Variants in COL23A1 observed in about 807,000 individuals in gnomAD.
COL23A1 encodes the protein collagen type XXIII alpha 1 chain.
COL23A1 carries 97 observed loss-of-function variants against 99.3 expected under a neutral mutation model. The observed-to-expected ratio is 0.98, with a 90% CI of 0.83 to 1.16. The LOEUF is 1.16. Ranked by LOEUF, COL23A1 falls within the 50% of genes most tolerant of loss-of-function variation. The pLI is 0.00. For synonymous variants in COL23A1, 320 were observed against 308.2 expected (o/e 1.04, Z -0.40); for missense variants, 762 against 757.4 (o/e 1.01, Z -0.07).
chr5:178,539,313 G>A (rs753776269), intron 2 of COL23A1, among the ~76,000 whole-genome samples: 4 of 152,088 alleles, frequency 2.6e-5, no homozygotes, highest in Non-Finnish European at 4.4e-5. Flanking sequence ...TTGGGAAGCC[G>A]AGGTGGATGG....
At chr5:178,369,746 C>CT (rs1323071235) in intron 2 of COL23A1, among the ~76,000 whole-genome samples, 1 of 82,432 alleles carries the variant, frequency 1.2e-5, no homozygotes, top group African/African-American at 8.9e-5. Flanking sequence ...GATTGTAAGG[C>CT]CCCCCCAGCC....
chr5:178,328,094 T>C (rs748026782), intron 2 of COL23A1, among the ~76,000 whole-genome samples: 1 of 152,084 alleles, frequency 6.6e-6, no homozygotes, highest in Non-Finnish European at 1.5e-5. Flanking sequence ...CCCTGGGAGC[T>C]GGCAGACCCA....
chr5:178,417,657 C>T (rs17081200), intron 2 of COL23A1, among the ~76,000 whole-genome samples: 6,962 of 152,224 alleles, frequency 0.046, 382 homozygotes, highest in East Asian at 0.23. Context: ...TCAAGAACAG[C>T]CCCGTCTGAT....
In COL23A1 at chr5:178,383,034, C is replaced by A. The variant is rs955783157; in HGVS notation, c.362-76115G>T. Among the ~76,000 whole-genome samples the A allele has an allele frequency of 2.0e-5, 3 of 152,044 alleles. No individual in the cohort carries two copies. The East Asian group carries it at 5.8e-4, about 29-fold the overall frequency. On this transcript the variant is annotated intron_variant, in intron 2 of 28. Coordinates refer to ENST00000390654, the MANE Select transcript of COL23A1 (RefSeq NM_173465.4). ...TGGGCTCCTGAAAAGCTGACAGGAG[C>A]CAGGGGGTGTCTGTGATCAGGGCTG... is the stretch of plus-strand genomic sequence containing the variant.
intron 1 of COL23A1, among the ~76,000 whole-genome samples, chr5:178,565,861 C>T (rs1316158350): frequency 2.6e-5 from 4 of 151,674 alleles, no homozygotes; most frequent in South Asian, 4.2e-4. Context: ...ACCTGTAATC[C>T]CAGCACTTTG....
chr5:178,561,989 CAG>C, intron 1 of COL23A1: 1 of 444,408 alleles, frequency 2.3e-6, no homozygotes, highest in Non-Finnish European at 4.5e-6. Context: ...ACAAGAGGCG[CAG>C]AGAGCGAAGC....
At chr5:178,288,792 A>G (rs1044251677) in intron 4 of COL23A1, among the ~76,000 whole-genome samples, 1 of 145,994 alleles carries the variant, frequency 6.8e-6, no homozygotes, top group African/African-American at 2.4e-5. Context: ...GAAGCCAGGA[A>G]TATCGGGGGG....
intron 2 of COL23A1, among the ~76,000 whole-genome samples, chr5:178,537,760 C>T (rs1050729889): frequency 7.9e-5 from 12 of 152,220 alleles, no homozygotes; most frequent in Non-Finnish European, 1.3e-4. Flanking sequence ...GTGAAACGTG[C>T]GCGGCACGAC....
intron 2 of COL23A1, among the ~76,000 whole-genome samples, chr5:178,385,070 G>C (rs1581276550): frequency 6.6e-6 from 1 of 152,284 alleles, no homozygotes; most frequent in East Asian, 1.9e-4. Flanking sequence ...CTGGTGGCTG[G>C]ACTCATGTTG....
chr5:178,346,060 A>G (rs1760952250), intron 2 of COL23A1, among the ~76,000 whole-genome samples: 1 of 152,192 alleles, frequency 6.6e-6, no homozygotes, highest in Admixed American at 6.5e-5. Flanking sequence ...TTAGATATCT[A>G]TAAAATAAAC....
chr5:178,240,595 C>G (rs374294685), intron 27 of COL23A1, among the ~76,000 whole-genome samples: 1 of 152,240 alleles, frequency 6.6e-6, no homozygotes, highest in African/African-American at 2.4e-5. Flanking sequence ...GGCCAGGCCC[C>G]GGAGCTGCGG....
intron 2 of COL23A1, chr5:178,523,781 C>T (rs1254576313): frequency 1.3e-5 from 2 of 152,326 alleles, no homozygotes; most frequent in African/African-American, 4.8e-5. Context: ...ATGCAGGCAA[C>T]GCACATTCCA....
At position 178,449,045 on chromosome 5, in the gene COL23A1, G is replaced by A. The variant is rs183999167; in HGVS notation, c.361+111637C>T. Among the ~76,000 whole-genome samples the A allele has an allele frequency of 8.5e-5, 13 of 152,048 alleles. 1 individual carries two copies. The highest frequency in any genetic ancestry group is 7.9e-4 in the Admixed American group (12 of 15,276). On this transcript the variant is annotated intron_variant, in intron 2 of 28. Coordinates refer to ENST00000390654, the MANE Select transcript of COL23A1 (RefSeq NM_173465.4). Reference sequence around the variant, plus strand: ...GGGGTCTCCCTCTGTCACCCAGGCTGGAGTGCAGTGTTACGATCAGAGTTC... The same window carrying A: ...GGGGTCTCCCTCTGTCACCCAGGCTAGAGTGCAGTGTTACGATCAGAGTTC...
In COL23A1 at chr5:178,589,841, G is replaced by A; in HGVS notation, c.294+63C>T. 1 of 1,237,518 alleles carries A rather than the reference G, an allele frequency of 8.1e-7. No individual in the cohort carries two copies. Among genetic ancestry groups the A allele is most frequent in the Non-Finnish European group, 1.0e-6 (1 of 987,168 alleles). 76.7% of individuals were successfully genotyped at this position (1,237,518 alleles called of 1,614,324 possible). On this transcript the variant is annotated intron_variant, in intron 1 of 28. Transcript: ENST00000390654. The surrounding 1 kb of genome is among the most constrained non-coding windows in gnomAD (Gnocchi z 5.4). ...ACCTGCACGCTGCCCCCGGCTCCCA[G>A]CGTACCGCCACCCTCAACCCGACAC...
Position 178,255,756 on chromosome 5 carries a change from C to A in COL23A1, c.882+597G>T. ...CCAGAACTGCCTGGCTCACTGGCTG[C>A]CTAATCCAACCCCCTCCCGCTCCCC... On this transcript the variant is annotated intron_variant, in intron 15 of 28. Coordinates refer to ENST00000390654, the MANE Select transcript of COL23A1 (RefSeq NM_173465.4). This position sits in a 1 kb window ranked among gnomAD's most constrained non-coding sequence, Gnocchi z 4.2. 3.3e-6 allele frequency: 1 copy of A among 300,306 alleles called. No homozygotes were observed. The allele number at this position is 300,306 out of a possible 1,614,324, so 18.6% of individuals were successfully genotyped here.
At chr5:178,579,083 A>G (rs1763533800) in intron 1 of COL23A1, among the ~76,000 whole-genome samples, 1 of 152,204 alleles carries the variant, frequency 6.6e-6, no homozygotes, top group South Asian at 2.1e-4. Context: ...CAGAGGCTGG[A>G]CATGTGCTAA....
rs1764146761 is a variant in COL23A1, at chr5:178,589,259, G to A, written c.294+645C>T. Among the ~76,000 whole-genome samples the A allele has an allele frequency of 1.3e-5, 2 of 152,092 alleles. No individual in the cohort carries two copies. The highest frequency in any genetic ancestry group is 4.8e-5 in the African/African-American group (2 of 41,428). On this transcript the variant is annotated intron_variant, in intron 1 of 28. Coordinates refer to ENST00000390654, the MANE Select transcript of COL23A1 (RefSeq NM_173465.4). This position sits in a 1 kb window ranked among gnomAD's most constrained non-coding sequence, Gnocchi z 5.4. Reference sequence around the variant, plus strand: ...GCGAGCCCACACCCCAGATGGCACCGCCTGAAACCAGAATCCAGGTCCTCC... The same window carrying A: ...GCGAGCCCACACCCCAGATGGCACCACCTGAAACCAGAATCCAGGTCCTCC...
rs1439619134 is a variant in COL23A1 at position 178,547,487 on chromosome 5, A to C, written c.361+13195T>G. Among the ~76,000 whole-genome samples the C allele has an allele frequency of 3.3e-3, 438 of 133,696 alleles. 5 individuals are homozygous for C. Among genetic ancestry groups the C allele is most frequent in the African/African-American group, 0.012 (420 of 35,384 alleles). 87.7% of individuals were successfully genotyped at this position (133,696 alleles called of 152,430 possible). A position where few individuals can be genotyped will look rare whatever the true frequency, so the allele number is the denominator to read the frequency against. ...CACACACCCACACACCCACACACACACCCACACATCCCCATACACACCCCC... is the reference window on the plus strand; with the variant it reads ...CACACACCCACACACCCACACACACCCCCACACATCCCCATACACACCCCC... On this transcript the variant is annotated intron_variant, in intron 2 of 28. Transcript: ENST00000390654.
At chr5:178,459,900 G>A (rs1694320262) in intron 2 of COL23A1, among the ~76,000 whole-genome samples, 1 of 152,106 alleles carries the variant, frequency 6.6e-6, no homozygotes, top group South Asian at 2.1e-4. Flanking sequence ...GTTCTGTCTT[G>A]TTATACGCAC....
Sources: gnomAD v4.1 joint callset for allele counts (sites outside exome capture counted in the v4.1 genomes callset) on GRCh38, gnomAD v4.1.1 for gene constraint, Gnocchi (gnomAD v3.1) non-coding constraint, MANE v1.5 for transcripts, NCBI Gene and HGNC (gene_info 2026-07-23, HGNC 2026-07-21) for gene names.